Variants in DTNBP1 observed in about 807,000 individuals in gnomAD.
DTNBP1 encodes dysbindin.
Under a neutral mutation model 42.8 loss-of-function variants are expected in DTNBP1, and 35 were observed. That is an observed-to-expected ratio of 0.82 (90% confidence interval 0.63 to 1.09). The LOEUF is 1.09. Ranked by LOEUF, DTNBP1 falls within the 50% of genes least tolerant of loss-of-function variation. DTNBP1 has a pLI of 0.00. For synonymous variants in DTNBP1, 171 were observed against 162.2 expected (o/e 1.05, Z -0.41); for missense variants, 457 against 424.2 (o/e 1.08, Z -0.68).
At position 15,662,977 on chromosome 6, in the gene DTNBP1, C is replaced by T; in HGVS notation, c.-108G>A. ...GCGCTGTCACCGCGCGCCCCGCACT[C>T]CCACTACCGGCCCCGCCCCCGGTCT... On this transcript the variant is annotated 5_prime_UTR_variant, in exon 1 of 10. Transcript: ENST00000344537. 1.3e-6 allele frequency: 2 copies of T among 1,482,740 alleles called. No homozygotes were observed. The highest frequency in any genetic ancestry group is 1.8e-6 in the Non-Finnish European group (2 of 1,082,206). The allele number at this position is 1,482,740 out of a possible 1,614,324, so 91.8% of individuals were successfully genotyped here.
At chr6:15,617,216 A>C (rs563208217) in intron 5 of DTNBP1, among the ~76,000 whole-genome samples, 3 of 152,114 alleles carry the variant, frequency 2.0e-5, no homozygotes, top group Non-Finnish European at 4.4e-5. Flanking sequence ...TAATGAAAGA[A>C]GTTGAAGAAG....
At chr6:15,599,109 C>T (rs1197375798) in intron 6 of DTNBP1, among the ~76,000 whole-genome samples, 1 of 152,104 alleles carries the variant, frequency 6.6e-6, no homozygotes, top group Non-Finnish European at 1.5e-5. Flanking sequence ...GATTACATTC[C>T]ATCCCACCTT....
rs558112988 is a variant in DTNBP1, at chr6:15,627,351, G to C, written c.347C>G (p.Ala116Gly). The C allele has an allele frequency of 6.2e-6, 10 of 1,613,436 alleles. No homozygotes were observed. The East Asian group carries it at 2.0e-4, about 32-fold the overall frequency. Reference sequence around the variant, plus strand: ...GAAAACATTGGACTTACTCAGATTTGCTGTCATGGATTCTAAGTCTGCGAT... The same window carrying C: ...GAAAACATTGGACTTACTCAGATTTCCTGTCATGGATTCTAAGTCTGCGAT... ...ALIADLESMT[A>G]NLTHLEASFE... Residue 116 changes from alanine to glycine, a missense_variant, in exon 5 of 10, where the codon GCA becomes GGA. Coordinates refer to ENST00000344537, the MANE Select transcript of DTNBP1 (RefSeq NM_032122.5).
At chr6:15,584,730 A>G (rs1345657216) in intron 7 of DTNBP1, among the ~76,000 whole-genome samples, 15 of 78,314 alleles carry the variant, frequency 1.9e-4, no homozygotes, top group African/African-American at 8.5e-4. Flanking sequence ...TTTTTTTTTC[A>G]TTTACAGAGA....
chr6:15,656,146 A>G (rs1273116172), intron 1 of DTNBP1, among the ~76,000 whole-genome samples: 1 of 152,228 alleles, frequency 6.6e-6, no homozygotes, highest in Non-Finnish European at 1.5e-5. Flanking sequence ...CCATCAAGAA[A>G]GCCGAGAAAC....
At chr6:15,614,760 TA>T (rs796275525) in intron 6 of DTNBP1, among the ~76,000 whole-genome samples, 72 of 152,318 alleles carry the variant, frequency 4.7e-4, no homozygotes, top group African/African-American at 1.9e-4. Context: ...AACTCTATGA[TA>T]GGGGTACATC....
intron 7 of DTNBP1, among the ~76,000 whole-genome samples, chr6:15,543,076 T>A (rs945790638): frequency 2.0e-5 from 3 of 152,172 alleles, no homozygotes; most frequent in African/African-American, 7.2e-5. Flanking sequence ...CATAAAAAAT[T>A]ATTTATTCCA....
chr6:15,553,444 A>T (rs941663844), intron 7 of DTNBP1, among the ~76,000 whole-genome samples: 2 of 151,780 alleles, frequency 1.3e-5, no homozygotes, highest in African/African-American at 4.8e-5. Context: ...CATTCCAGAG[A>T]GATGGTAAGT....
At chr6:15,645,068 A>G (rs1024117236) in intron 3 of DTNBP1, among the ~76,000 whole-genome samples, 3 of 152,120 alleles carry the variant, frequency 2.0e-5, no homozygotes, top group African/African-American at 7.2e-5. Context: ...AGAGATTCAA[A>G]TAAGCACTAT....
rs912672314 is a variant in DTNBP1 at position 15,651,361 on chromosome 6, G to A, written c.113C>T (p.Thr38Ile). ...REAKVKSKPRTVPFLPKYSAG... is the reference protein window; with the variant it reads ...REAKVKSKPRIVPFLPKYSAG... Reference sequence around the variant, plus strand: ...AGAGTACTTTGGCAAAAATGGAACAGTCCTGCCCAAAAGAAACACTTATTA... The same window carrying A: ...AGAGTACTTTGGCAAAAATGGAACAATCCTGCCCAAAAGAAACACTTATTA... Residue 38 changes from threonine (T) to isoleucine (I), a missense_variant and splice_region_variant, in exon 3 of 10, where the codon ACT becomes ATT. Thr to Ile is a moderately conservative substitution (Grantham distance 89). Coordinates refer to ENST00000344537, the MANE Select transcript of DTNBP1 (RefSeq NM_032122.5). The A allele has an allele frequency of 1.2e-6, 2 of 1,610,272 alleles. No individual in the cohort carries two copies. Among genetic ancestry groups the A allele is most frequent in the African/African-American group, 2.7e-5 (2 of 74,336 alleles).
intron 5 of DTNBP1, among the ~76,000 whole-genome samples, chr6:15,622,265 C>T (rs190888989): frequency 6.6e-6 from 1 of 151,976 alleles, no homozygotes; most frequent in East Asian, 1.9e-4. Flanking sequence ...TATATTAAAC[C>T]AGGTCACATT....
intron 7 of DTNBP1, among the ~76,000 whole-genome samples, chr6:15,545,045 C>G (rs1773790929): frequency 1.3e-5 from 2 of 152,134 alleles, no homozygotes; most frequent in Admixed American, 1.3e-4. Flanking sequence ...TGTACTGTTA[C>G]CATTTTTAAC....
At chr6:15,575,377 C>T (rs1178692584) in intron 7 of DTNBP1, among the ~76,000 whole-genome samples, 1 of 152,220 alleles carries the variant, frequency 6.6e-6, no homozygotes, top group African/African-American at 2.4e-5. Context: ...AAATAACCCA[C>T]TCTTCCCTAC....
intron 8 of DTNBP1, among the ~76,000 whole-genome samples, chr6:15,526,194 T>C (rs1321948945): frequency 2.0e-5 from 3 of 152,238 alleles, no homozygotes; most frequent in Non-Finnish European, 4.4e-5. Flanking sequence ...CACGTCATTA[T>C]GAGCCTGCTC....
At chr6:15,566,348 C>G (rs1354136803) in intron 7 of DTNBP1, among the ~76,000 whole-genome samples, 1 of 151,988 alleles carries the variant, frequency 6.6e-6, no homozygotes, top group Non-Finnish European at 1.5e-5. Context: ...TCTAAGCCCC[C>G]CAAATGATTG....
intron 7 of DTNBP1, among the ~76,000 whole-genome samples, chr6:15,571,220 G>A (rs532187868): frequency 3.3e-5 from 5 of 152,200 alleles, no homozygotes; most frequent in East Asian, 1.9e-4. Context: ...GAGGTTCATC[G>A]TACTACTTAT....
In DTNBP1 at chr6:15,533,333, G is replaced by T. The variant is rs1299517188; in HGVS notation, c.574C>A (p.Leu192Met). The change falls in exon 8 of 10, where the codon CTG becomes ATG. Residue 192 changes from leucine (L) to methionine (M), a missense_variant. By Grantham distance (15) the Leu-to-Met change is conservative. Transcript: ENST00000344537. ...LEMEHTQQMK[L>M]KERQKFFEEA... Reference sequence around the variant, plus strand: ...TCAAAAAACTTCTGCCGCTCCTTCAGCTTCATTTGCTGGGTGTGCTCCATT... The same window carrying T: ...TCAAAAAACTTCTGCCGCTCCTTCATCTTCATTTGCTGGGTGTGCTCCATT... 1 of 1,614,126 alleles carries T rather than the reference G, an allele frequency of 6.2e-7. No individual in the cohort carries two copies. Among genetic ancestry groups the T allele is most frequent in the Non-Finnish European group, 8.5e-7 (1 of 1,180,056 alleles).
Position 15,547,104 on chromosome 6 carries a change from T to A in DTNBP1, c.512-13709A>T, listed in dbSNP as rs543687554. Among the ~76,000 whole-genome samples, 9 of 152,260 alleles carry A rather than the reference T, an allele frequency of 5.9e-5. 1 individual carries two copies. In the South Asian group the frequency reaches 1.9e-3, roughly 32 times the overall value. ...GTTTGAGGGGAAAAAATGGAAGAAG[T>A]TTAGATCACTACAGGAATCTTTTCA... On this transcript the variant is annotated intron_variant, in intron 7 of 9. Coordinates refer to ENST00000344537, the MANE Select transcript of DTNBP1 (RefSeq NM_032122.5).
Position 15,637,749 on chromosome 6 carries a change from C to T in DTNBP1, c.217G>A (p.Gly73Arg), listed in dbSNP as rs1017079586. 9 of 1,613,740 alleles carry T rather than the reference C, an allele frequency of 5.6e-6. No homozygotes were observed. The highest frequency in any genetic ancestry group is 7.6e-6 in the Non-Finnish European group (9 of 1,180,008). The change falls in exon 4 of 10, where the codon GGA (glycine) becomes AGA (arginine). Residue 73 changes from glycine to arginine, a missense_variant. By Grantham distance (125) the Gly-to-Arg change is moderately radical. Coordinates refer to ENST00000344537, the MANE Select transcript of DTNBP1 (RefSeq NM_032122.5). ...AAGATTAGTCAATTCTTTACCTCTCCAGCACTTGCACAGTCTTTGGCTCTT... is the reference window on the plus strand; with the variant it reads ...AAGATTAGTCAATTCTTTACCTCTCTAGCACTTGCACAGTCTTTGGCTCTT... ...HRRAKDCASA[G>R]ELVDSEVVML...
Sources: allele counts gnomAD v4.1 joint callset (sites outside exome capture counted in the v4.1 genomes callset), GRCh38; gene constraint gnomAD v4.1.1; transcripts MANE v1.5; gene names NCBI Gene and HGNC (gene_info 2026-07-23, HGNC 2026-07-21).